Variants in ATP11A observed in about 807,000 individuals in gnomAD.
ATP11A encodes the protein ATPase phospholipid transporting 11A.
Under a neutral mutation model 154.4 loss-of-function variants are expected in ATP11A, and 81 were observed. The observed-to-expected ratio is 0.52, with a 90% CI of 0.44 to 0.63. The LOEUF (loss-of-function observed/expected upper bound fraction) is 0.63, where lower values mean the gene tolerates loss of function less well. ATP11A is among the 30% of genes least tolerant of loss of function. The pLI is 0.00. For missense variants in ATP11A, 1,316 were observed against 1,474.3 expected, an observed-to-expected ratio of 0.89 and a Z score of 1.76; for synonymous variants, 623 against 585.9, an observed-to-expected ratio of 1.06 and a Z score of -0.91.
Position 112,883,177 on chromosome 13 carries a change from A to G in ATP11A, c.*1311A>G, listed in dbSNP as rs1346887054. 2.5e-6 allele frequency: 1 copy of G among 393,186 alleles called. No homozygotes were observed. Among genetic ancestry groups the G allele is most frequent in the African/African-American group, 2.2e-5 (1 of 46,080 alleles). The allele number at this position is 393,186 out of a possible 1,614,324, so 24.4% of individuals were successfully genotyped here. A position where few individuals can be genotyped will look rare whatever the true frequency, so the allele number is the denominator to read the frequency against. ...CCCGTCCCCACATACCCTCGTCCCC[A>G]TGTCCCCACGCAGGGCTCTCCTTCG... On this transcript the variant is annotated 3_prime_UTR_variant, in exon 30 of 30. Transcript: ENST00000375645.
At chr13:112,718,215 A>G (rs1362620677) in intron 1 of ATP11A, among the ~76,000 whole-genome samples, 2 of 152,044 alleles carry the variant, frequency 1.3e-5, no homozygotes, top group Non-Finnish European at 1.5e-5. Context: ...CGTAAAGAAC[A>G]CTCATTGCTT....
intron 1 of ATP11A, among the ~76,000 whole-genome samples, chr13:112,742,304 G>C (rs976615921): frequency 6.6e-6 from 1 of 152,166 alleles, no homozygotes; most frequent in Non-Finnish European, 1.5e-5. Context: ...CTGTGGAAGG[G>C]GGTGCTGTCC....
chr13:112,733,917 T>C (rs1890736652), intron 1 of ATP11A, among the ~76,000 whole-genome samples: 1 of 152,216 alleles, frequency 6.6e-6, no homozygotes, highest in Non-Finnish European at 1.5e-5. Context: ...TAGCAGTGGT[T>C]CTCTCTTTCC....
intron 8 of ATP11A, among the ~76,000 whole-genome samples, chr13:112,821,953 G>A (rs991499287): frequency 1.9e-4 from 29 of 152,270 alleles, no homozygotes; most frequent in African/African-American, 6.5e-4. Flanking sequence ...AGTGATTGCC[G>A]GGGAGGACGC....
intron 17 of ATP11A, among the ~76,000 whole-genome samples, chr13:112,846,895 G>A (rs7997897): frequency 0.3 from 44,863 of 152,066 alleles, 6,829 homozygotes; most frequent in East Asian, 0.37. Flanking sequence ...GGCCCTGAGC[G>A]CTGTGCCTGG....
At chr13:112,791,288 G>A (rs13378213) in intron 2 of ATP11A, among the ~76,000 whole-genome samples, 2 of 152,068 alleles carry the variant, frequency 1.3e-5, no homozygotes, top group African/African-American at 4.8e-5. Flanking sequence ...GAACCGCGGC[G>A]CCCCCTGCAC....
chr13:112,867,951 G>T (rs1053353298), intron 25 of ATP11A, among the ~76,000 whole-genome samples: 1 of 152,218 alleles, frequency 6.6e-6, no homozygotes, highest in African/African-American at 2.4e-5. Context: ...TTGTTTTAAA[G>T]ACCTAAATTA....
At chr13:112,818,111 G>A (rs565798329) in intron 6 of ATP11A, among the ~76,000 whole-genome samples, 10 of 151,892 alleles carry the variant, frequency 6.6e-5, no homozygotes, top group African/African-American at 9.7e-5. Flanking sequence ...GCTTGGTGAC[G>A]GAACAGTGAC....
At chr13:112,869,054 C>T (rs949157570) in intron 25 of ATP11A, among the ~76,000 whole-genome samples, 4 of 151,884 alleles carry the variant, frequency 2.6e-5, no homozygotes, top group African/African-American at 7.3e-5. Context: ...CTCCAACACA[C>T]GGGGATTATA....
chr13:112,868,524 T>G (rs968393245), intron 25 of ATP11A, among the ~76,000 whole-genome samples: 9 of 152,258 alleles, frequency 5.9e-5, no homozygotes, highest in African/African-American at 2.2e-4. Flanking sequence ...GGTTCTTGGC[T>G]GAGATGTGCC....
chr13:112,748,512 T>C (rs2076612226), intron 1 of ATP11A, among the ~76,000 whole-genome samples: 1 of 152,122 alleles, frequency 6.6e-6, no homozygotes, highest in Non-Finnish European at 1.5e-5. Context: ...ACTGTAGGTA[T>C]GCGCTCCCAC....
chr13:112,882,522 A>G lies in ATP11A; in HGVS notation c.*656A>G. On this transcript the variant is annotated 3_prime_UTR_variant, in exon 30 of 30. Coordinates refer to ENST00000375645, the MANE Select transcript of ATP11A (RefSeq NM_015205.3). This position sits in a 1 kb window ranked among gnomAD's most constrained non-coding sequence, Gnocchi z 5.1. The stretch of plus-strand genomic sequence containing the variant: ...AGGGCCGGGTCACTCGGATACCATC[A>G]TCCCTGCGGATGCACCGCCGTACCC... 1 of 455,504 alleles carries G rather than the reference A, an allele frequency of 2.2e-6. No homozygotes were observed. The allele number at this position is 455,504 out of a possible 1,614,324, so 28.2% of individuals were successfully genotyped here. A position where few individuals can be genotyped will look rare whatever the true frequency, so the allele number is the denominator to read the frequency against.
chr13:112,830,149 A>C (rs1349762789), intron 12 of ATP11A, among the ~76,000 whole-genome samples: 2 of 152,102 alleles, frequency 1.3e-5, no homozygotes, highest in Non-Finnish European at 2.9e-5. Flanking sequence ...TTTATAATTA[A>C]TTTTTTTTAT....
At chr13:112,727,862 A>G (rs1246491017) in intron 1 of ATP11A, among the ~76,000 whole-genome samples, 2 of 152,242 alleles carry the variant, frequency 1.3e-5, no homozygotes, top group Non-Finnish European at 1.5e-5. Context: ...CTCCAGGTGC[A>G]TCTTGTTAAA....
chr13:112,770,352 T>C (rs1273107431), intron 1 of ATP11A, among the ~76,000 whole-genome samples: 3 of 152,208 alleles, frequency 2.0e-5, no homozygotes, highest in Non-Finnish European at 4.4e-5. Flanking sequence ...AATATCTTCA[T>C]GGCAGGAGAA....
rs1178825338 is a variant in ATP11A at position 112,845,342 on chromosome 13, C to T, written c.1809+2963C>T. On this transcript the variant is annotated intron_variant, in intron 17 of 29. Transcript: ENST00000375645. The stretch of plus-strand genomic sequence containing the variant: ...CAGTTGCCGGCACTATCGGTACTAA[C>T]CAGTCCAGTTGCCAGCACTAGCGGT... Among the ~76,000 whole-genome samples the T allele has an allele frequency of 2.2e-4, 26 of 116,800 alleles. 2 individuals carry two copies. Among genetic ancestry groups the T allele is most frequent in the African/African-American group, 1.2e-3 (25 of 21,698 alleles). 76.6% of individuals were successfully genotyped at this position (116,800 alleles called of 152,430 possible).
intron 17 of ATP11A, among the ~76,000 whole-genome samples, chr13:112,850,154 C>T (rs564949905): frequency 1.3e-5 from 2 of 152,208 alleles, no homozygotes; most frequent in East Asian, 3.8e-4. Context: ...AGTTAGGAGA[C>T]GCTTCATCTC....
At chr13:112,751,625 A>C (rs563757319) in intron 1 of ATP11A, among the ~76,000 whole-genome samples, 5 of 152,164 alleles carry the variant, frequency 3.3e-5, no homozygotes, top group African/African-American at 1.2e-4. Context: ...GCACCAGTGC[A>C]CTTCAGCCTG....
At chr13:112,879,323 T>A (rs147800745) in intron 29 of ATP11A, among the ~76,000 whole-genome samples, 2,121 of 152,368 alleles carry the variant, frequency 0.014, 42 homozygotes, top group South Asian at 0.065. Flanking sequence ...GTCCAAGCAA[T>A]TAATCAGAAT....
Sources: gnomAD v4.1 joint callset for allele counts (sites outside exome capture counted in the v4.1 genomes callset) on GRCh38, gnomAD v4.1.1 for gene constraint, Gnocchi (gnomAD v3.1) non-coding constraint, MANE v1.5 for transcripts, NCBI Gene and HGNC (gene_info 2026-07-23, HGNC 2026-07-21) for gene names.